SDK1: variants seen among roughly 807,000 people sequenced by gnomAD.
SDK1 encodes the protein sidekick cell adhesion molecule 1.
In SDK1, 157 loss-of-function variants were observed where a neutral mutation model predicts 245.5. The observed-to-expected ratio is 0.64, with a 90% CI of 0.56 to 0.73. SDK1 has a LOEUF of 0.73. Among genes scored for constraint, SDK1 ranks in the 30% least tolerant of loss-of-function variants. SDK1 has a pLI of 0.00. For synonymous variants in SDK1, 1,647 were observed against 1,278.5 expected (o/e 1.29, Z -6.15); for missense variants, 3,583 against 3,002.3 (o/e 1.19, Z -4.52).
Position 3,723,748 on chromosome 7 carries a change from A to G in SDK1, c.713+81643A>G, listed in dbSNP as rs547426654. 5.9e-5 allele frequency among the ~76,000 whole-genome samples: 9 copies of G among 151,618 alleles called. No individual in the cohort carries two copies. In the East Asian group the frequency reaches 7.8e-4, roughly 13 times the overall value. On this transcript the variant is annotated intron_variant, in intron 4 of 44. Coordinates refer to ENST00000404826, the MANE Select transcript of SDK1 (RefSeq NM_152744.4). ...CACGTACATATACATATACACGTGTATATACACGTACATATACATATACAC... is the reference window on the plus strand; with the variant it reads ...CACGTACATATACATATACACGTGTGTATACACGTACATATACATATACAC...
intron 40 of SDK1, among the ~76,000 whole-genome samples, chr7:4,223,336 G>A (rs905905155): frequency 2.0e-5 from 3 of 152,234 alleles, no homozygotes; most frequent in Non-Finnish European, 4.4e-5. Context: ...ATCCAGGGCT[G>A]CCTTAGCAAA....
chr7:4,151,092 A>G (rs189237098), intron 30 of SDK1, among the ~76,000 whole-genome samples: 13 of 152,278 alleles, frequency 8.5e-5, no homozygotes, highest in Admixed American at 2.6e-4. Flanking sequence ...GCCACCCCAC[A>G]CAGTGTCCCC....
intron 36 of SDK1, among the ~76,000 whole-genome samples, chr7:4,207,892 C>A (rs890253321): frequency 6.6e-6 from 1 of 152,194 alleles, no homozygotes; most frequent in Non-Finnish European, 1.5e-5. Context: ...GTCTCCCAAA[C>A]AACATTAGCA....
intron 1 of SDK1, among the ~76,000 whole-genome samples, chr7:3,328,328 A>G (rs754112383): frequency 2.0e-5 from 3 of 152,110 alleles, no homozygotes; most frequent in Non-Finnish European, 4.4e-5. Context: ...TTTAAGGTCT[A>G]CACTTATGAG....
intron 40 of SDK1, among the ~76,000 whole-genome samples, chr7:4,226,856 CTATAAA>C (rs957059616): frequency 6.6e-6 from 1 of 152,108 alleles, no homozygotes; most frequent in Non-Finnish European, 1.5e-5. Flanking sequence ...GCTAAAGGAA[CTATAAA>C]TATATTTTCC....
At chr7:4,219,370 GA>G (rs775379292) in intron 38 of SDK1, among the ~76,000 whole-genome samples, 8 of 152,198 alleles carry the variant, frequency 5.3e-5, no homozygotes, top group Non-Finnish European at 1.0e-4. Flanking sequence ...ATTTATAAAG[GA>G]AAGAGATTTA....
chr7:3,515,355 G>C (rs1187423997), intron 1 of SDK1, among the ~76,000 whole-genome samples: 1 of 152,140 alleles, frequency 6.6e-6, no homozygotes. Flanking sequence ...AGCAAGACTT[G>C]GGAGGGCACA....
chr7:4,047,602 A>G (rs1042634060), intron 17 of SDK1, among the ~76,000 whole-genome samples: 3 of 152,106 alleles, frequency 2.0e-5, no homozygotes, highest in African/African-American at 7.2e-5. Context: ...TGCGCTCCCA[A>G]AGCTTCTGTC....
At chr7:3,791,529 GGATGCGGCTGCC>G (rs1781089313) in intron 4 of SDK1, among the ~76,000 whole-genome samples, 3 of 152,248 alleles carry the variant, frequency 2.0e-5, no homozygotes, top group African/African-American at 7.2e-5. Flanking sequence ...CCATCCTGAG[GGATGCGGCTGCC>G]GATGTGGTTG....
At chr7:3,660,362 C>T (rs1300801587) in intron 4 of SDK1, among the ~76,000 whole-genome samples, 2 of 151,416 alleles carry the variant, frequency 1.3e-5, no homozygotes, top group African/African-American at 4.9e-5. Context: ...AAGCTTGAGT[C>T]AACAGGACTT....
intron 5 of SDK1, among the ~76,000 whole-genome samples, chr7:3,870,367 G>T (rs779292772): frequency 5.3e-5 from 8 of 152,104 alleles, no homozygotes; most frequent in Non-Finnish European, 1.2e-4. Context: ...GAAGATGATG[G>T]CCATCAGGAG....
At chr7:3,458,478 C>T (rs1335931492) in intron 1 of SDK1, among the ~76,000 whole-genome samples, 1 of 151,840 alleles carries the variant, frequency 6.6e-6, no homozygotes, top group Admixed American at 6.6e-5. Flanking sequence ...TTGTTTCCCT[C>T]TTTTATTGCT....
chr7:3,959,366 C>T (rs143365281), intron 8 of SDK1, among the ~76,000 whole-genome samples: 8 of 152,098 alleles, frequency 5.3e-5, no homozygotes, highest in Non-Finnish European at 1.2e-4. Context: ...GCAGAAAATT[C>T]TTTCTCATCC....
At chr7:4,014,334 T>C (rs1786222746) in intron 16 of SDK1, among the ~76,000 whole-genome samples, 1 of 152,068 alleles carries the variant, frequency 6.6e-6, no homozygotes, top group South Asian at 2.1e-4. Context: ...GTCAGTAGAG[T>C]TGGGTGCTGG....
chr7:3,636,323 A>G (rs1415697548), intron 2 of SDK1, among the ~76,000 whole-genome samples: 2 of 152,132 alleles, frequency 1.3e-5, no homozygotes, highest in East Asian at 1.9e-4. Flanking sequence ...GGACTCACTC[A>G]TCTCATATGG....
In SDK1 at chr7:3,313,998, G is replaced by C. The variant is rs112221037; in HGVS notation, c.298+12114G>C. ...TCAGTGAATAAAGTGCTGTGTTAAAGGTATAGTGATCAATAACAGTTGCTT... is the reference window on the plus strand; with the variant it reads ...TCAGTGAATAAAGTGCTGTGTTAAACGTATAGTGATCAATAACAGTTGCTT... On this transcript the variant is annotated intron_variant, in intron 1 of 44. Transcript: ENST00000404826. Among the ~76,000 whole-genome samples, 11 of 152,270 alleles carry C rather than the reference G, an allele frequency of 7.2e-5. 1 individual carries two copies. The highest frequency in any genetic ancestry group is 4.1e-4 in the South Asian group (2 of 4,826).
chr7:3,903,875 G>C (rs920564793), intron 5 of SDK1, among the ~76,000 whole-genome samples: 4 of 152,216 alleles, frequency 2.6e-5, no homozygotes, highest in African/African-American at 9.6e-5. Context: ...TGGTTCCTGA[G>C]AGAGCTGGTT....
At chr7:3,976,010 A>T (rs1216099727) in intron 13 of SDK1, among the ~76,000 whole-genome samples, 1 of 3,670 alleles carries the variant, frequency 2.7e-4, no homozygotes, top group Non-Finnish European at 6.4e-4. Context: ...GCTGCCACGC[A>T]GAGGATCCTC....
intron 1 of SDK1, among the ~76,000 whole-genome samples, chr7:3,354,086 G>T (rs867167330): frequency 6.6e-6 from 1 of 151,140 alleles, no homozygotes; most frequent in African/African-American, 2.4e-5. Context: ...TCCGCCTCCT[G>T]GGTTCACACC....
Sources: allele counts gnomAD v4.1 joint callset (sites outside exome capture counted in the v4.1 genomes callset), GRCh38; gene constraint gnomAD v4.1.1; transcripts MANE v1.5; gene names NCBI Gene and HGNC (gene_info 2026-07-23, HGNC 2026-07-21).